Variants in XIRP2 observed in about 807,000 individuals in gnomAD.
XIRP2 encodes the protein xin actin binding repeat containing 2.
A neutral mutation model predicts 277.0 loss-of-function variants in XIRP2; 236 were observed. That is an observed-to-expected ratio of 0.85 (90% confidence interval 0.77 to 0.95). The LOEUF (loss-of-function observed/expected upper bound fraction) is 0.95. Ranked by LOEUF, XIRP2 falls within the 40% of genes least tolerant of loss-of-function variation. The pLI, the probability that XIRP2 is intolerant of heterozygous loss-of-function variation, is 0.00. For missense variants in XIRP2, 4,640 were observed against 4,157.5 expected, an observed-to-expected ratio of 1.12 and a Z score of -3.19; for synonymous variants, 1,490 against 1,416.5, an observed-to-expected ratio of 1.05 and a Z score of -1.17.
intron 2 of XIRP2, among the ~76,000 whole-genome samples, chr2:166,935,361 G>T (rs533836623): frequency 6.6e-6 from 1 of 152,280 alleles, no homozygotes; most frequent in South Asian, 2.1e-4. Context: ...TAGAAGTACA[G>T]ATAGCTAGAA....
At chr2:167,215,045 G>C (rs1048282712) in intron 4 of XIRP2, among the ~76,000 whole-genome samples, 2 of 152,080 alleles carry the variant, frequency 1.3e-5, no homozygotes, top group African/African-American at 4.8e-5. Flanking sequence ...AAACAGCAAG[G>C]TTCTTCTTAA....
In XIRP2 at chr2:166,934,854, A is replaced by AAT. The variant is rs958101651; in HGVS notation, c.408+30965_408+30966insTA. Among the ~76,000 whole-genome samples the AAT allele has an allele frequency of 2.0e-5, 3 of 149,290 alleles. No individual in the cohort carries two copies. The Admixed American group carries it at 2.0e-4, about 10-fold the overall frequency. On this transcript the variant is annotated intron_variant, in intron 2 of 10. Transcript: ENST00000409195. ...AAGCACTGTCTCTACTAAAAATAAA[A>AAT]AAAAAATTTTTTAAAAAAGAAAAAT...
intron 2 of XIRP2, among the ~76,000 whole-genome samples, chr2:166,941,166 C>T (rs1267173365): frequency 6.6e-6 from 1 of 152,216 alleles, no homozygotes; most frequent in Non-Finnish European, 1.5e-5. Context: ...CCCCCAGCCT[C>T]ACTGCCGCCT....
At chr2:167,223,426 G>C (rs1694492311) in intron 5 of XIRP2, among the ~76,000 whole-genome samples, 1 of 152,068 alleles carries the variant, frequency 6.6e-6, no homozygotes, top group South Asian at 2.1e-4. Context: ...ATCTGCTATT[G>C]CAAAAATTAA....
chr2:167,251,167 C>G lies in XIRP2; in HGVS notation c.9775C>G (p.Gln3259Glu), dbSNP rs1470037326. Residue 3259 changes from glutamine (Q) to glutamate (E), a missense_variant, in exon 9 of 11, where the codon CAA becomes GAA. Transcript: ENST00000409195. The stretch of plus-strand genomic sequence containing the variant: ...TTCCTTCAGAGAATCTGTGGACGCT[C>G]AAGAGGAAATCAGGAAAGTGGAGAA... ...SGSFRESVDA[Q>E]EEIRKVEKRA... is the part of the protein sequence containing the mutation. 1.2e-6 allele frequency: 2 copies of G among 1,613,278 alleles called. No homozygotes were observed. Among genetic ancestry groups the G allele is most frequent in the African/African-American group, 1.3e-5 (1 of 74,838 alleles).
At chr2:166,928,793 G>A (rs1685253876) in intron 2 of XIRP2, among the ~76,000 whole-genome samples, 1 of 151,938 alleles carries the variant, frequency 6.6e-6, no homozygotes, top group African/African-American at 2.4e-5. Flanking sequence ...TACTCTCATG[G>A]GGAAAGACTG....
At chr2:166,941,716 C>G (rs979986285) in intron 2 of XIRP2, among the ~76,000 whole-genome samples, 2 of 152,084 alleles carry the variant, frequency 1.3e-5, no homozygotes, top group Non-Finnish European at 2.9e-5. Context: ...ACATATGTTT[C>G]TTCTATCCAA....
chr2:167,256,848 T>C (rs763037421), intron 10 of XIRP2, among the ~76,000 whole-genome samples: 3 of 151,906 alleles, frequency 2.0e-5, no homozygotes, highest in Non-Finnish European at 4.4e-5. Flanking sequence ...CTCTTCTCCA[T>C]ATTTTTCAGA....
Position 167,110,109 on chromosome 2 carries a change from C to T in XIRP2, c.409-25800C>T, listed in dbSNP as rs190485891. ...GATGCATAGTTTGTAAATATTTTCTCCTATTCCGTAAGTTGTCTGTTTACT... is the reference window on the plus strand; with the variant it reads ...GATGCATAGTTTGTAAATATTTTCTTCTATTCCGTAAGTTGTCTGTTTACT... On this transcript the variant is annotated intron_variant, in intron 2 of 10. Coordinates refer to ENST00000409195, the MANE Select transcript of XIRP2 (RefSeq NM_152381.6). Among the ~76,000 whole-genome samples the T allele has an allele frequency of 1.8e-3, 277 of 152,168 alleles. 1 individual carries two copies. The highest frequency in any genetic ancestry group is 6.3e-3 in the African/African-American group (262 of 41,512).
At chr2:167,027,657 A>G (rs1688209541) in intron 2 of XIRP2, among the ~76,000 whole-genome samples, 1 of 151,796 alleles carries the variant, frequency 6.6e-6, no homozygotes, top group Admixed American at 6.6e-5. Flanking sequence ...TTGGTCTTTG[A>G]TGATGGTGAT....
chr2:166,893,645 G>T (rs1376916746), intron 1 of XIRP2, among the ~76,000 whole-genome samples: 2 of 152,116 alleles, frequency 1.3e-5, no homozygotes, highest in East Asian at 3.9e-4. Flanking sequence ...ATATATTAAA[G>T]AATATTCTTC....
intron 3 of XIRP2, among the ~76,000 whole-genome samples, chr2:167,196,053 A>G (rs1390593895): frequency 1.3e-5 from 2 of 150,932 alleles, no homozygotes; most frequent in Non-Finnish European, 3.0e-5. Context: ...GTGTGTGTGT[A>G]AAGAGAGAGA....
chr2:167,170,163 A>T (rs750438310), intron 3 of XIRP2, among the ~76,000 whole-genome samples: 5 of 152,022 alleles, frequency 3.3e-5, no homozygotes, highest in South Asian at 2.1e-4. Context: ...ACTTTTAAAA[A>T]TTTTTTTAAA....
At chr2:166,994,718 T>G (rs1687164221) in intron 2 of XIRP2, among the ~76,000 whole-genome samples, 1 of 151,338 alleles carries the variant, frequency 6.6e-6, no homozygotes, top group African/African-American at 2.4e-5. Flanking sequence ...AAAATTTGAG[T>G]AAGATCTAAA....
chr2:167,168,847 C>T (rs187727458), intron 3 of XIRP2, among the ~76,000 whole-genome samples: 104 of 152,308 alleles, frequency 6.8e-4, no homozygotes, highest in African/African-American at 2.3e-3. Flanking sequence ...ATCTCCTGAC[C>T]TCGTGATCCG....
chr2:167,105,730 C>T (rs1305803719), intron 2 of XIRP2, among the ~76,000 whole-genome samples: 2 of 151,768 alleles, frequency 1.3e-5, no homozygotes, highest in Non-Finnish European at 1.5e-5. Flanking sequence ...TTTTAAAACA[C>T]CCCCAAACTG....
intron 2 of XIRP2, among the ~76,000 whole-genome samples, chr2:167,124,800 C>G (rs995530861): frequency 6.6e-6 from 1 of 152,096 alleles, no homozygotes; most frequent in African/African-American, 2.4e-5. Context: ...GGTGGCAAAG[C>G]GGGGCATTCA....
At chr2:167,254,280 A>G in intron 10 of XIRP2, 115 bp downstream of exon 10, 2 of 1,216,156 alleles carry the variant, frequency 1.6e-6, no homozygotes, top group South Asian at 2.5e-5. Flanking sequence ...GTCAGTTAAC[A>G]CAACCACACA....
intron 2 of XIRP2, among the ~76,000 whole-genome samples, chr2:167,081,666 G>A (rs974757215): frequency 6.6e-6 from 1 of 152,066 alleles, no homozygotes; most frequent in African/African-American, 2.4e-5. Context: ...TTTAATTACT[G>A]GTCCAGAAGT....
Sources: allele counts gnomAD v4.1 joint callset (sites outside exome capture counted in the v4.1 genomes callset), GRCh38; gene constraint gnomAD v4.1.1; transcripts MANE v1.5; gene names NCBI Gene and HGNC (gene_info 2026-07-23, HGNC 2026-07-21).